RPS6KA5: variants seen among roughly 807,000 people sequenced by gnomAD.
RPS6KA5 encodes ribosomal protein S6 kinase alpha-5.
RPS6KA5 carries 27 observed loss-of-function variants against 85.5 expected under a neutral mutation model. The ratio of observed to expected loss-of-function variants is 0.32; its 90% CI spans 0.23 to 0.44. The LOEUF (loss-of-function observed/expected upper bound fraction) is 0.44. RPS6KA5 is among the 20% of genes least tolerant of loss of function. The pLI is 1.00. For synonymous variants in RPS6KA5, 334 were observed against 348.2 expected (o/e 0.96, Z 0.46); for missense variants, 811 against 980.9 (o/e 0.83, Z 2.31).
chr14:91,007,173 T>G (rs958549286), intron 1 of RPS6KA5, among the ~76,000 whole-genome samples: 3 of 152,212 alleles, frequency 2.0e-5, no homozygotes, highest in Non-Finnish European at 4.4e-5. Flanking sequence ...AACAGCATAG[T>G]GGCACCAAAA....
chr14:91,053,751 T>G (rs1595568513), intron 1 of RPS6KA5, among the ~76,000 whole-genome samples: 1 of 152,328 alleles, frequency 6.6e-6, no homozygotes, highest in East Asian at 1.9e-4. Context: ...CGACTTAACA[T>G]TGCTAAGATG....
chr14:90,974,037 CAAA>C lies in RPS6KA5; in HGVS notation c.394+4266_394+4268del, dbSNP rs56212923. Among the ~76,000 whole-genome samples, 586 of 61,438 alleles carry C rather than the reference CAAA, an allele frequency of 9.5e-3. 4 individuals carry two copies. The highest frequency in any genetic ancestry group is 0.033 in the African/African-American group (541 of 16,240). 40.3% of individuals were successfully genotyped at this position (61,438 alleles called of 152,430 possible). A position where few individuals can be genotyped will look rare whatever the true frequency, so the allele number is the denominator to read the frequency against. Reference sequence around the variant, plus strand: ...AAGGTGACAGAGTGAGACTCCATCTCAAAAAAAAAAAAAAAAAAAAAATAGTGT... The same window carrying C: ...AAGGTGACAGAGTGAGACTCCATCTCAAAAAAAAAAAAAAAAAAATAGTGT... On this transcript the variant is annotated intron_variant, in intron 3 of 16. Coordinates refer to ENST00000614987, the MANE Select transcript of RPS6KA5 (RefSeq NM_004755.4).
intron 3 of RPS6KA5, among the ~76,000 whole-genome samples, chr14:90,969,119 A>G (rs1242340692): frequency 6.6e-6 from 1 of 152,180 alleles, no homozygotes; most frequent in African/African-American, 2.4e-5. Flanking sequence ...GGAGAGAAAA[A>G]TAGCCTTTAA....
intron 1 of RPS6KA5, among the ~76,000 whole-genome samples, chr14:91,053,102 C>T (rs1036770203): frequency 6.6e-6 from 1 of 151,504 alleles, no homozygotes. Context: ...ATGAACAGAA[C>T]AAAAAAAATG....
intron 7 of RPS6KA5, among the ~76,000 whole-genome samples, chr14:90,914,111 TCTGGGTTGA>T (rs1455452491): frequency 6.6e-6 from 1 of 151,994 alleles, no homozygotes; most frequent in Non-Finnish European, 1.5e-5. Context: ...CCTTTTAGAC[TCTGGGTTGA>T]CTGTAGCAGT....
chr14:90,966,043 G>T (rs566750644), intron 3 of RPS6KA5, among the ~76,000 whole-genome samples: 1 of 152,204 alleles, frequency 6.6e-6, no homozygotes, highest in South Asian at 2.1e-4. Flanking sequence ...AGTGAAAGAG[G>T]TTTGGCATGG....
At chr14:90,981,248 T>TA (rs1199605145) in intron 2 of RPS6KA5, among the ~76,000 whole-genome samples, 12 of 152,188 alleles carry the variant, frequency 7.9e-5, no homozygotes, top group Admixed American at 3.3e-4. Flanking sequence ...CCTCTGGACT[T>TA]AAAAAAGAGT....
intron 14 of RPS6KA5, among the ~76,000 whole-genome samples, chr14:90,888,451 C>T (rs1052970622): frequency 6.6e-6 from 1 of 152,006 alleles, no homozygotes; most frequent in African/African-American, 2.4e-5. Context: ...AGTCCTTCAA[C>T]AAAACTCAGA....
At chr14:90,888,205 T>G (rs1033614279) in intron 14 of RPS6KA5, among the ~76,000 whole-genome samples, 2 of 152,136 alleles carry the variant, frequency 1.3e-5, no homozygotes, top group Admixed American at 6.5e-5. Flanking sequence ...ACAATTAGAT[T>G]TAGAGAGAAG....
At chr14:90,942,365 G>A (rs1015546680) in intron 5 of RPS6KA5, among the ~76,000 whole-genome samples, 4 of 152,008 alleles carry the variant, frequency 2.6e-5, no homozygotes, top group African/African-American at 4.8e-5. Context: ...AGATAGAAAC[G>A]AAACTAACAT....
chr14:91,056,889 T>C (rs1255545652), intron 1 of RPS6KA5, among the ~76,000 whole-genome samples: 1 of 134,148 alleles, frequency 7.5e-6, no homozygotes, highest in Non-Finnish European at 1.6e-5. Context: ...TTTTTTTTTT[T>C]TTTTTTTGGA....
At chr14:90,884,606 T>A (rs2034068005) in intron 14 of RPS6KA5, among the ~76,000 whole-genome samples, 1 of 152,122 alleles carries the variant, frequency 6.6e-6, no homozygotes, top group Non-Finnish European at 1.5e-5. Flanking sequence ...GACTTCAGAG[T>A]TCCAAAATAG....
At chr14:90,904,640 ATGT>A (rs894583928) in intron 8 of RPS6KA5, among the ~76,000 whole-genome samples, 4 of 152,176 alleles carry the variant, frequency 2.6e-5, no homozygotes, top group African/African-American at 9.7e-5. Context: ...TTAAAGAAAC[ATGT>A]TGTTAGCAGG....
chr14:91,014,515 AC>A (rs1232694253), intron 1 of RPS6KA5, among the ~76,000 whole-genome samples: 31 of 151,554 alleles, frequency 2.0e-4, no homozygotes, highest in Non-Finnish European at 4.1e-4. Context: ...AAAAAAAAAA[AC>A]AAAAAACAAA....
intron 1 of RPS6KA5, among the ~76,000 whole-genome samples, chr14:91,004,081 T>C (rs147191789): frequency 2.6e-5 from 4 of 152,300 alleles, no homozygotes; most frequent in African/African-American, 9.6e-5. Context: ...TTCTTGTTTT[T>C]TGTTTTGTTT....
chr14:90,956,947 C>T lies in RPS6KA5; in HGVS notation c.395-9397G>A, dbSNP rs116736248. On this transcript the variant is annotated intron_variant, in intron 3 of 16. Coordinates refer to ENST00000614987, the MANE Select transcript of RPS6KA5 (RefSeq NM_004755.4). ...CTTGTAGTTTGTTATATTAGCCTTC[C>T]TACTTACTGTTTTTCTGTTTTTTTT... Among the ~76,000 whole-genome samples, 629 of 143,438 alleles carry T rather than the reference C, an allele frequency of 4.4e-3. 2 individuals are homozygous for T. The highest frequency in any genetic ancestry group is 0.016 in the African/African-American group (606 of 38,826). The allele number at this position is 143,438 out of a possible 152,430, so 94.1% of individuals were successfully genotyped here.
rs1768789033 is a variant in RPS6KA5, at chr14:90,920,238, A to G, written c.774T>C (p.Asp258=). 10 of 1,611,916 alleles carry G rather than the reference A, an allele frequency of 6.2e-6. No homozygotes were observed. Among genetic ancestry groups the G allele is most frequent in the Non-Finnish European group, 8.5e-6 (10 of 1,178,432 alleles). ...LLTGASPFTV[D]GEKNSQAEIS... is the part of the protein sequence containing the mutation. Reference sequence around the variant, plus strand: ...TCTCAGCTTGGGAATTTTTTTCTCCATCAACAGTGAAAGGAGATGCTCCAG... The same window carrying G: ...TCTCAGCTTGGGAATTTTTTTCTCCGTCAACAGTGAAAGGAGATGCTCCAG... The change falls in exon 7 of 17, where the codon GAT becomes GAC. Residue 258 remains aspartate (D), a synonymous_variant. Coordinates refer to ENST00000614987, the MANE Select transcript of RPS6KA5 (RefSeq NM_004755.4).
At position 90,872,277 on chromosome 14, in the gene RPS6KA5, C is replaced by T. The variant is rs1437406085; in HGVS notation, c.2206G>A (p.Asp736Asn). Residue 736 changes from aspartate to asparagine, a missense_variant, in exon 17 of 17, where the codon GAT becomes AAT. Asp to Asn is a conservative substitution (Grantham distance 23). Around this residue, in one of 3 missense-constraint regions of RPS6KA5, gnomAD observed 650 missense variants for 793.4 expected, o/e 0.82. Coordinates refer to ENST00000614987, the MANE Select transcript of RPS6KA5 (RefSeq NM_004755.4). ...KREGFCLQNV[D>N]KAPLAKRRKM... ...CTTCTCTTAGCCAAAGGGGCCTTAT[C>T]AACATTCTGAAGGCAAAACCCCTCT... 6.2e-7 allele frequency: 1 copy of T among 1,613,714 alleles called. No individual in the cohort carries two copies. The highest frequency in any genetic ancestry group is 1.1e-5 in the South Asian group (1 of 91,030).
intron 2 of RPS6KA5, among the ~76,000 whole-genome samples, chr14:90,990,668 A>G (rs1206226250): frequency 1.3e-5 from 2 of 152,230 alleles, no homozygotes; most frequent in Non-Finnish European, 2.9e-5. Context: ...CTGGATAAAG[A>G]AAATATGGTA....
Sources: gnomAD v4.1 joint callset for allele counts (sites outside exome capture counted in the v4.1 genomes callset) on GRCh38, gnomAD v4.1.1 for gene constraint, gnomAD v4.1.1 regional missense constraint, MANE v1.5 for transcripts, NCBI Gene and HGNC (gene_info 2026-07-23, HGNC 2026-07-21) for gene names.